The following ZDHHC14 variants were observed in gnomAD, a reference collection of about 807,000 sequenced individuals.
ZDHHC14 encodes the protein palmitoyltransferase ZDHHC14.
ZDHHC14 carries 16 observed loss-of-function variants against 47.7 expected under a neutral mutation model. That is an observed-to-expected ratio of 0.34 (90% confidence interval 0.23 to 0.51). The LOEUF (loss-of-function observed/expected upper bound fraction) is 0.51, where lower values mean the gene tolerates loss of function less well. Ranked by LOEUF, ZDHHC14 falls within the 20% of genes least tolerant of loss-of-function variation. ZDHHC14 has a pLI of 0.97. For missense variants in ZDHHC14, 515 were observed against 662.5 expected (o/e 0.78, Z 2.44); for synonymous variants, 293 against 278.9 (o/e 1.05, Z -0.50).
intron 1 of ZDHHC14, among the ~76,000 whole-genome samples, chr6:157,438,092 A>G (rs1399339545): frequency 2.6e-5 from 4 of 152,186 alleles, no homozygotes; most frequent in Non-Finnish European, 1.5e-5. Flanking sequence ...AGCATTTATT[A>G]TATCATGTAG....
chr6:157,539,451 C>T (rs1029621514), intron 1 of ZDHHC14, among the ~76,000 whole-genome samples: 4 of 152,104 alleles, frequency 2.6e-5, no homozygotes, highest in Non-Finnish European at 5.9e-5. Context: ...GATCACTGTT[C>T]CAGCTGTCCC....
chr6:157,563,960 G>A (rs1187015618), intron 2 of ZDHHC14, among the ~76,000 whole-genome samples: 2 of 152,206 alleles, frequency 1.3e-5, no homozygotes, highest in African/African-American at 4.8e-5. Flanking sequence ...GGGAACCCCT[G>A]TCTGCAGACC....
At chr6:157,614,000 C>T (rs926810489) in intron 3 of ZDHHC14, among the ~76,000 whole-genome samples, 4 of 152,222 alleles carry the variant, frequency 2.6e-5, no homozygotes, top group African/African-American at 4.8e-5. Flanking sequence ...ATATTATATC[C>T]TTCTTCCTTG....
At chr6:157,657,780 C>T (rs1428962752) in intron 8 of ZDHHC14, among the ~76,000 whole-genome samples, 2 of 152,234 alleles carry the variant, frequency 1.3e-5, no homozygotes, top group East Asian at 3.8e-4. Flanking sequence ...TGTACAGAGA[C>T]ATCTGTTCCA....
intron 1 of ZDHHC14, among the ~76,000 whole-genome samples, chr6:157,477,812 C>G (rs2114832949): frequency 6.6e-6 from 1 of 152,276 alleles, no homozygotes; most frequent in African/African-American, 2.4e-5. Flanking sequence ...TCTTTTGCCT[C>G]TAGGATCTTT....
chr6:157,585,207 CA>C (rs1461234750), intron 2 of ZDHHC14, among the ~76,000 whole-genome samples: 2 of 151,766 alleles, frequency 1.3e-5, no homozygotes, highest in Non-Finnish European at 2.9e-5. Flanking sequence ...AACTCCATCT[CA>C]AAAAATAAAT....
At chr6:157,605,045 C>T (rs1784483471) in intron 3 of ZDHHC14, among the ~76,000 whole-genome samples, 1 of 152,216 alleles carries the variant, frequency 6.6e-6, no homozygotes, top group African/African-American at 2.4e-5. Flanking sequence ...TGGCAATAAA[C>T]GTTTCACCAA....
At chr6:157,654,755 A>G (rs1309765528) in intron 8 of ZDHHC14, among the ~76,000 whole-genome samples, 2 of 144,734 alleles carry the variant, frequency 1.4e-5, no homozygotes, top group Non-Finnish European at 3.0e-5. Context: ...TTTTTTTTGG[A>G]GACAGAGTCT....
At position 157,382,201 on chromosome 6, in the gene ZDHHC14, G is replaced by A. The variant is rs754896041; in HGVS notation, c.180G>A (p.Gln60=). ...ACGGGAGGATCATGATGGCCCGGCA[G>A]ACGGGCGTCTTCTACCTGACGCTCG... ...FCNGRIMMAR[Q]TGVFYLTLVL... The change falls in exon 1 of 9, where the codon CAG becomes CAA. Residue 60 remains glutamine (Q), a synonymous_variant. Coordinates refer to ENST00000359775, the MANE Select transcript of ZDHHC14 (RefSeq NM_024630.3). 1 of 1,613,640 alleles carries A rather than the reference G, an allele frequency of 6.2e-7. No individual in the cohort carries two copies. The highest frequency in any genetic ancestry group is 8.5e-7 in the Non-Finnish European group (1 of 1,179,876).
At position 157,586,483 on chromosome 6, in the gene ZDHHC14, C is replaced by G. The variant is rs763141659; in HGVS notation, c.407-6505C>G. Among the ~76,000 whole-genome samples the G allele has an allele frequency of 6.6e-6, 1 of 152,124 alleles. No homozygotes were observed. The highest frequency in any genetic ancestry group is 2.1e-4 in the South Asian group (1 of 4,820). On this transcript the variant is annotated intron_variant, in intron 2 of 8. Transcript: ENST00000359775. The surrounding 1 kb of genome is among the most constrained non-coding windows in gnomAD (Gnocchi z 4.6). Reference sequence around the variant, plus strand: ...TTTGAGCATAGGCTCCATGGAAGATCGTGCAAGGAGAGAGAAGGTTCATGG... The same window carrying G: ...TTTGAGCATAGGCTCCATGGAAGATGGTGCAAGGAGAGAGAAGGTTCATGG...
intron 1 of ZDHHC14, among the ~76,000 whole-genome samples, chr6:157,447,374 G>A (rs559379540): frequency 1.1e-4 from 16 of 152,244 alleles, no homozygotes; most frequent in African/African-American, 2.4e-4. Context: ...ACCCGGGGGC[G>A]GAAACTCCTT....
At chr6:157,581,325 T>C (rs537510100) in intron 2 of ZDHHC14, among the ~76,000 whole-genome samples, 8 of 152,024 alleles carry the variant, frequency 5.3e-5, no homozygotes, top group African/African-American at 1.7e-4. Flanking sequence ...TGCTGAGGAT[T>C]GTTTTATGTC....
At chr6:157,611,751 C>T (rs1049754155) in intron 3 of ZDHHC14, among the ~76,000 whole-genome samples, 1 of 152,194 alleles carries the variant, frequency 6.6e-6, no homozygotes, top group Non-Finnish European at 1.5e-5. Context: ...AAGCCACAAG[C>T]GATTGCTTCA....
intron 1 of ZDHHC14, among the ~76,000 whole-genome samples, chr6:157,416,307 A>G (rs1044619886): frequency 6.6e-6 from 1 of 152,162 alleles, no homozygotes; most frequent in Non-Finnish European, 1.5e-5. Flanking sequence ...TGCCATTTGA[A>G]TTTCTGTGAA....
At chr6:157,665,665 A>G (rs1778522031) in intron 8 of ZDHHC14, among the ~76,000 whole-genome samples, 2 of 152,230 alleles carry the variant, frequency 1.3e-5, no homozygotes, top group African/African-American at 4.8e-5. Flanking sequence ...TGCAGGTCAA[A>G]AAATTAGATA....
chr6:157,542,792 G>C (rs1781819604), intron 2 of ZDHHC14, 47 bp downstream of exon 2: 8 of 1,594,582 alleles, frequency 5.0e-6, no homozygotes, highest in African/African-American at 1.3e-5. Context: ...TCCCGCCTGG[G>C]CCCAGCTACA....
intron 2 of ZDHHC14, among the ~76,000 whole-genome samples, chr6:157,573,995 G>A (rs1011291788): frequency 3.9e-5 from 6 of 152,004 alleles, no homozygotes; most frequent in Non-Finnish European, 7.4e-5. Context: ...GGTTCCTAGG[G>A]CCTCGGCTGT....
chr6:157,426,165 G>T (rs1255257565), intron 1 of ZDHHC14, among the ~76,000 whole-genome samples: 1 of 152,140 alleles, frequency 6.6e-6, no homozygotes, highest in Non-Finnish European at 1.5e-5. Context: ...CCTCCCGCAA[G>T]GTGGTGGTTC....
intron 1 of ZDHHC14, among the ~76,000 whole-genome samples, chr6:157,510,981 C>T (rs1418474207): frequency 6.6e-6 from 1 of 152,232 alleles, no homozygotes; most frequent in Non-Finnish European, 1.5e-5. Flanking sequence ...TCATAATTTA[C>T]CTTTGTGGCT....
Sources: allele counts gnomAD v4.1 joint callset (sites outside exome capture counted in the v4.1 genomes callset), GRCh38; gene constraint gnomAD v4.1.1; non-coding constraint Gnocchi (gnomAD v3.1); transcripts MANE v1.5; gene names NCBI Gene and HGNC (gene_info 2026-07-23, HGNC 2026-07-21).